Variants in HS6ST2 observed in about 807,000 individuals in gnomAD.
HS6ST2 encodes heparan-sulfate 6-O-sulfotransferase 2.
Under a neutral mutation model 33.0 loss-of-function variants are expected in HS6ST2, and 17 were observed. That is an observed-to-expected ratio of 0.52 (90% confidence interval 0.35 to 0.77). The LOEUF (loss-of-function observed/expected upper bound fraction) is 0.77, where lower values mean the gene tolerates loss of function less well. HS6ST2 is among the 30% of genes least tolerant of loss of function. HS6ST2 has a pLI of 0.01. For synonymous variants in HS6ST2, 248 were observed against 237.1 expected (o/e 1.05, Z -0.42); for missense variants, 519 against 551.7 (o/e 0.94, Z 0.59).
chrX:132,801,319 T>C (rs937335801), intron 2 of HS6ST2, among the ~76,000 whole-genome samples: 1 of 111,528 alleles, frequency 9.0e-6, no homozygotes. Context: ...TCTATAGTTA[T>C]AATATCCTCC....
At chrX:132,917,890 T>A (rs1158956616) in intron 2 of HS6ST2, among the ~76,000 whole-genome samples, 1 of 111,923 alleles carries the variant, frequency 8.9e-6, no homozygotes, top group Non-Finnish European at 1.9e-5. Flanking sequence ...TAGAGCCCAA[T>A]TAGCTGCAGT....
intron 2 of HS6ST2, among the ~76,000 whole-genome samples, chrX:132,849,751 C>T (rs1250010780): frequency 8.9e-6 from 1 of 111,991 alleles, no homozygotes; most frequent in East Asian, 2.8e-4. Flanking sequence ...CCTTTGTACA[C>T]AAAACTGCCT....
chrX:132,654,322 TTCAA>T (rs1459817904), intron 4 of HS6ST2, among the ~76,000 whole-genome samples: 1 of 111,285 alleles, frequency 9.0e-6, no homozygotes, highest in Non-Finnish European at 1.9e-5. Context: ...TCAATCATAC[TTCAA>T]TCAACTGGTT....
intron 2 of HS6ST2, among the ~76,000 whole-genome samples, chrX:132,835,977 T>A (rs936037777): frequency 9.0e-6 from 1 of 111,644 alleles, no homozygotes; most frequent in Non-Finnish European, 1.9e-5. Context: ...CCTCACATAT[T>A]CTGGGGGCAA....
intron 2 of HS6ST2, among the ~76,000 whole-genome samples, chrX:132,717,973 C>T (rs2064292243): frequency 9.0e-6 from 1 of 111,605 alleles, no homozygotes; most frequent in Non-Finnish European, 1.9e-5. Context: ...GCTTTTTCCC[C>T]AAGCATATAA....
chrX:132,807,430 G>C (rs1433391128), intron 2 of HS6ST2, among the ~76,000 whole-genome samples: 1 of 104,779 alleles, frequency 9.5e-6, no homozygotes, highest in Non-Finnish European at 2.1e-5. Context: ...ACTAAAGAGA[G>C]CCTAAAGAAT....
intron 2 of HS6ST2, among the ~76,000 whole-genome samples, chrX:132,913,952 C>T (rs369635786): frequency 2.7e-5 from 3 of 111,824 alleles, no homozygotes; most frequent in South Asian, 7.7e-4. Context: ...TGGCATATGA[C>T]GGCTGATTAA....
chrX:132,695,143 G>A (rs950640219), intron 3 of HS6ST2, among the ~76,000 whole-genome samples: 2 of 111,106 alleles, frequency 1.8e-5, no homozygotes. Flanking sequence ...AAACCCATCC[G>A]CCACTTGGTA....
At chrX:132,807,582 C>T (rs1034256003) in intron 2 of HS6ST2, among the ~76,000 whole-genome samples, 3 of 110,892 alleles carry the variant, frequency 2.7e-5, no homozygotes, top group Admixed American at 9.7e-5. Flanking sequence ...TTATCGAGCT[C>T]AGGTCAGAGT....
chrX:132,688,027 G>A (rs1159554144), intron 3 of HS6ST2, among the ~76,000 whole-genome samples: 3 of 112,537 alleles, frequency 2.7e-5, no homozygotes, highest in Non-Finnish European at 5.6e-5. Flanking sequence ...GGGATTACAG[G>A]CGTGAGCCAC....
chrX:132,944,321 G>A (rs1206818976), intron 2 of HS6ST2, among the ~76,000 whole-genome samples: 1 of 111,253 alleles, frequency 9.0e-6, no homozygotes, highest in Admixed American at 9.6e-5. Flanking sequence ...CCTCTTCAAG[G>A]AGAACTACAA....
At chrX:132,691,003 T>C (rs922877206) in intron 3 of HS6ST2, among the ~76,000 whole-genome samples, 2 of 111,891 alleles carry the variant, frequency 1.8e-5, no homozygotes, top group Non-Finnish European at 3.8e-5. Context: ...CGCATTATTA[T>C]GCCAAGTGCC....
At chrX:132,658,461 T>C (rs1027031679) in intron 4 of HS6ST2, among the ~76,000 whole-genome samples, 14 of 109,806 alleles carry the variant, frequency 1.3e-4, no homozygotes, top group African/African-American at 4.7e-4. Flanking sequence ...TGTAAAGTTG[T>C]AAAATATGGT....
chrX:132,755,837 A>T (rs772627842), intron 2 of HS6ST2, among the ~76,000 whole-genome samples: 1 of 112,192 alleles, frequency 8.9e-6, no homozygotes, highest in Non-Finnish European at 1.9e-5. Flanking sequence ...TTAAAAAATC[A>T]TATCATTAAA....
At chrX:132,846,975 G>A (rs1193690589) in intron 2 of HS6ST2, among the ~76,000 whole-genome samples, 1 of 111,358 alleles carries the variant, frequency 9.0e-6, no homozygotes, top group Admixed American at 9.6e-5. Context: ...TTGGTTAAGA[G>A]GAGAGTTCCC....
intron 2 of HS6ST2, among the ~76,000 whole-genome samples, chrX:132,921,560 C>T (rs1048572233): frequency 2.7e-5 from 3 of 112,396 alleles, no homozygotes; most frequent in African/African-American, 9.7e-5. Context: ...AAGACATAGT[C>T]TCCCATCTGG....
At chrX:132,789,729 C>T (rs1236548123) in intron 2 of HS6ST2, among the ~76,000 whole-genome samples, 2 of 111,800 alleles carry the variant, frequency 1.8e-5, no homozygotes, top group Non-Finnish European at 3.8e-5. Flanking sequence ...TCAACATTAA[C>T]GGGAGTTTGG....
At chrX:132,814,986 T>C (rs1468975835) in intron 2 of HS6ST2, among the ~76,000 whole-genome samples, 2 of 112,088 alleles carry the variant, frequency 1.8e-5, no homozygotes, top group African/African-American at 6.5e-5. Context: ...TTATGCTTCA[T>C]ACATACTTTA....
Position 132,659,122 on chromosome X carries a change from C to G in HS6ST2, c.1067+9991G>C, listed in dbSNP as rs750372059. The stretch of plus-strand genomic sequence containing the variant: ...TCCAGGGATGCTAGGCACCCATGCA[C>G]TGATGATTTGTGCTTCAAATGCATG... On this transcript the variant is annotated intron_variant, in intron 4 of 4. Transcript: ENST00000370833. Among the ~76,000 whole-genome samples, 4 of 112,162 alleles carry G rather than the reference C, an allele frequency of 3.6e-5. No individual in the cohort carries two copies. The South Asian group carries it at 1.5e-3, about 42-fold the overall frequency.
Sources: allele counts gnomAD v4.1 joint callset (sites outside exome capture counted in the v4.1 genomes callset), GRCh38; gene constraint gnomAD v4.1.1; transcripts MANE v1.5; gene names NCBI Gene and HGNC (gene_info 2026-07-23, HGNC 2026-07-21).